TBX1: variants seen among roughly 807,000 people sequenced by gnomAD.
The protein encoded by TBX1 is T-box transcription factor 1, also known as T-box transcription factor TBX1.
In TBX1, 16 loss-of-function variants were observed where a neutral mutation model predicts 40.8. The observed-to-expected ratio is 0.39, with a 90% CI of 0.27 to 0.60. The LOEUF is 0.60. TBX1 is among the 20% of genes least tolerant of loss of function. TBX1 has a pLI of 0.51. For missense variants in TBX1, 755 were observed against 728.5 expected (o/e 1.04, Z -0.42); for synonymous variants, 403 against 336.8 (o/e 1.20, Z -2.15).
rs763127510 is a variant in TBX1, at chr22:19,765,890, TC to T, written c.936-9del. 129 of 1,545,922 alleles carry T rather than the reference TC, an allele frequency of 8.3e-5. 1 individual carries two copies. The Admixed American group carries it at 2.5e-3, about 30-fold the overall frequency. The stretch of plus-strand genomic sequence containing the variant: ...GGCGCAGGCGCCGCCCTGATCCGCC[TC>T]CCGCCCGCAGGCCCCGGAACCACCG... On this transcript the variant is annotated splice_polypyrimidine_tract_variant and intron_variant, in intron 5 of 6. Transcript: ENST00000649276.
intron 1 of TBX1, 92 bp from the exon 2 acceptor site, chr22:19,763,149 G>A: frequency 1.0e-6 from 1 of 983,100 alleles, no homozygotes; most frequent in South Asian, 1.3e-5. Context: ...AGGCTGGAGG[G>A]AGGGGCCGAG....
downstream of TBX1, among the ~76,000 whole-genome samples, chr22:19,768,814 A>G (rs1211256728): frequency 2.6e-5 from 4 of 152,122 alleles, no homozygotes; most frequent in African/African-American, 2.4e-5. Context: ...TGAGGGTGGG[A>G]CACACAGCAA....
chr22:19,769,703 C>T (rs1232172321), downstream of TBX1, among the ~76,000 whole-genome samples: 1 of 152,258 alleles, frequency 6.6e-6, no homozygotes, highest in African/African-American at 2.4e-5. Flanking sequence ...TCCTCTGTGA[C>T]AGCTGTGATC....
chr22:19,767,459 G>T (rs186953987), downstream of TBX1: 62 of 905,130 alleles, frequency 6.8e-5, no homozygotes, highest in East Asian at 5.5e-3. Flanking sequence ...ACTGTAGGTC[G>T]GTCCCGGTCC....
At chr22:19,780,774 C>CTGTTT (rs1569032657), downstream of TBX1, among the ~76,000 whole-genome samples, 6 of 109,516 alleles carry the variant, frequency 5.5e-5, no homozygotes, top group African/African-American at 2.4e-4. Flanking sequence ...CACTTGTTTT[C>CTGTTT]TGTTTTTTTT....
chr22:19,761,390 CCTGGCCACCTGCGGGCCCCT>C (rs1221669945), intron 1 of TBX1, 110 bp downstream of exon 1: 2 of 1,276,984 alleles, frequency 1.6e-6, no homozygotes, highest in African/African-American at 1.6e-5. Flanking sequence ...GGGGGCGCGG[CCTGGCCACCTGCGGGCCCCT>C]CTGGGCCCCG....
downstream of TBX1, among the ~76,000 whole-genome samples, chr22:19,769,753 G>T (rs1468405684): frequency 6.6e-6 from 1 of 152,264 alleles, no homozygotes; most frequent in Non-Finnish European, 1.5e-5. Flanking sequence ...AGGAGATGGA[G>T]CCTTTAGGCG....
chr22:19,776,548 G>T (rs1219727443), intron 8 of TBX1, among the ~76,000 whole-genome samples: 1 of 152,168 alleles, frequency 6.6e-6, no homozygotes, highest in African/African-American at 2.4e-5. Context: ...CCAGGGCCAG[G>T]CCTGCTTGCC....
At chr22:19,778,609 A>G (rs1937102310) in intron 8 of TBX1, among the ~76,000 whole-genome samples, 1 of 150,538 alleles carries the variant, frequency 6.6e-6, no homozygotes, top group African/African-American at 2.4e-5. Flanking sequence ...TAATTTTTGT[A>G]TTTTCAGTAG....
At chr22:19,783,393 C>A, downstream of TBX1, 1 of 338,984 alleles carries the variant, frequency 2.9e-6, no homozygotes, top group South Asian at 2.4e-5. Flanking sequence ...CCCAGGCCAC[C>A]TGCACAGCTG....
chr22:19,776,862 G>A (rs1246978946), intron 8 of TBX1, among the ~76,000 whole-genome samples: 1 of 152,106 alleles, frequency 6.6e-6, no homozygotes, highest in Non-Finnish European at 1.5e-5. Flanking sequence ...AGCAGGCTCG[G>A]GAGGTGCCGT....
intron 6 of TBX1, 41 bp downstream of exon 6, chr22:19,766,043 G>T: frequency 6.9e-7 from 1 of 1,449,718 alleles, no homozygotes; most frequent in Non-Finnish European, 9.1e-7. Flanking sequence ...GGCCCTGTGC[G>T]CGCTCTACCC....
At chr22:19,760,569 GCC>G, upstream of TBX1, among the ~76,000 whole-genome samples, 1 of 139,762 alleles carries the variant, frequency 7.2e-6, no homozygotes, top group South Asian at 2.3e-4. Flanking sequence ...CGGTCGGGGG[GCC>G]CCGGGCCGAG....
In TBX1 at chr22:19,767,003, C is replaced by T. The variant is rs1936884665; in HGVS notation, c.*136C>T. ...CCACCGCGGCTCTCCCCTTCCCCAG[C>T]CTCGAAGCCATGGGGGCCCCCTCGC... On this transcript the variant is annotated 3_prime_UTR_variant, in exon 7 of 7. Coordinates refer to ENST00000649276, the MANE Select transcript of TBX1 (RefSeq NM_001379200.1). 2 of 1,385,198 alleles carry T rather than the reference C, an allele frequency of 1.4e-6. No individual in the cohort carries two copies. The highest frequency in any genetic ancestry group is 1.5e-5 in the African/African-American group (1 of 65,914). 85.8% of individuals were successfully genotyped at this position (1,385,198 alleles called of 1,614,324 possible).
upstream of TBX1, among the ~76,000 whole-genome samples, chr22:19,760,107 C>T (rs1018500418): frequency 4.7e-5 from 7 of 149,194 alleles, no homozygotes; most frequent in African/African-American, 1.7e-4. Context: ...AACAGAAGGA[C>T]ACGAAAAGGC....
rs376030815 is a variant in TBX1 at position 19,774,899 on chromosome 22, A to G, written c.1010-4321A>G. On this transcript the variant is annotated intron_variant, in intron 8 of 8. Coordinates refer to the TBX1 transcript ENST00000329705. ...CTGGAGGTGGACGCACAGCATCGGG[A>G]ATACACAATGCCACTGAATTGTGTA... Among the ~76,000 whole-genome samples the G allele has an allele frequency of 3.5e-3, 374 of 105,808 alleles. 7 individuals are homozygous for G. The highest frequency in any genetic ancestry group is 0.014 in the African/African-American group (336 of 23,256). The allele number at this position is 105,808 out of a possible 152,430, so 69.4% of individuals were successfully genotyped here. A position where few individuals can be genotyped will look rare whatever the true frequency, so the allele number is the denominator to read the frequency against.
intron 8 of TBX1, among the ~76,000 whole-genome samples, chr22:19,775,034 C>A (rs1937044483): frequency 6.6e-6 from 1 of 152,226 alleles, no homozygotes; most frequent in Non-Finnish European, 1.5e-5. Context: ...CCACCTCGGC[C>A]TCCCAAAGTG....
Position 19,767,254 on chromosome 22 carries a change from G to A in TBX1, c.*387G>A, listed in dbSNP as rs1195209058. On this transcript the variant is annotated 3_prime_UTR_variant, in exon 7 of 7. Coordinates refer to ENST00000649276, the MANE Select transcript of TBX1 (RefSeq NM_001379200.1). ...AGCCCGAGAGCCCCGCCTGCAGGCG[G>A]TGTAGATACATGTAGATACTGTAGA... 1.9e-6 allele frequency: 2 copies of A among 1,048,294 alleles called. No individual in the cohort carries two copies. Among genetic ancestry groups the A allele is most frequent in the Non-Finnish European group, 2.3e-6 (2 of 872,394 alleles). 64.9% of individuals were successfully genotyped at this position (1,048,294 alleles called of 1,614,324 possible).
downstream of TBX1, chr22:19,783,386 A>G (rs1266480027): frequency 5.8e-6 from 2 of 344,830 alleles, no homozygotes; most frequent in Non-Finnish European, 1.1e-5. Flanking sequence ...TGCTGTTCCC[A>G]GGCCACCTGC....
Sources: allele counts gnomAD v4.1 joint callset (sites outside exome capture counted in the v4.1 genomes callset), GRCh38; gene constraint gnomAD v4.1.1; transcripts MANE v1.5; gene names NCBI Gene and HGNC (gene_info 2026-07-23, HGNC 2026-07-21).